HS3ST5: variants seen among roughly 807,000 people sequenced by gnomAD.
HS3ST5 encodes the protein heparan sulfate glucosamine 3-O-sulfotransferase 5.
In HS3ST5, 10 loss-of-function variants were observed where a neutral mutation model predicts 25.4. That is an observed-to-expected ratio of 0.39 (90% CI 0.24 to 0.67). HS3ST5 has a LOEUF of 0.67. HS3ST5 is among the 30% of genes least tolerant of loss of function. The probability of loss-of-function intolerance (pLI) is 0.44; values close to 1 mark genes in which losing one functional copy is unlikely to be tolerated. For synonymous variants in HS3ST5, 170 were observed against 162.4 expected (o/e 1.05, Z -0.36); for missense variants, 324 against 420.7 (o/e 0.77, Z 2.01).
chr6:114,126,481 G>A (rs1777045051), intron 3 of HS3ST5, among the ~76,000 whole-genome samples: 1 of 152,182 alleles, frequency 6.6e-6, no homozygotes, highest in Admixed American at 6.5e-5. Context: ...GGATCCTCCA[G>A]CTATGTGCAG....
intron 1 of HS3ST5, among the ~76,000 whole-genome samples, chr6:114,295,710 C>G (rs757871422): frequency 5.3e-5 from 8 of 152,124 alleles, no homozygotes; most frequent in Non-Finnish European, 1.0e-4. Flanking sequence ...CATGTACAAG[C>G]AATTACTTCC....
intron 3 of HS3ST5, among the ~76,000 whole-genome samples, chr6:114,068,157 A>T (rs1773576910): frequency 1.3e-5 from 2 of 152,162 alleles, no homozygotes; most frequent in Non-Finnish European, 2.9e-5. Context: ...TTTTAATGGA[A>T]ATTCTTATTA....
At chr6:114,264,587 T>G (rs980922819) in intron 1 of HS3ST5, among the ~76,000 whole-genome samples, 8 of 152,222 alleles carry the variant, frequency 5.3e-5, no homozygotes, top group Admixed American at 5.2e-4. Flanking sequence ...TCTCTCAGTT[T>G]CCTAATGTGG....
chr6:114,059,327 C>G (rs1339193282), intron 4 of HS3ST5: 3 of 152,190 alleles, frequency 2.0e-5, no homozygotes, highest in African/African-American at 7.2e-5. Context: ...CCAATTCTTA[C>G]ACTTGAAAGC....
At chr6:114,267,524 G>T (rs751630303) in intron 1 of HS3ST5, among the ~76,000 whole-genome samples, 28 of 152,198 alleles carry the variant, frequency 1.8e-4, no homozygotes, top group Non-Finnish European at 2.8e-4. Context: ...CAGAGAATCA[G>T]ATATGGAGAA....
intron 1 of HS3ST5, among the ~76,000 whole-genome samples, chr6:114,327,449 C>T (rs1776217291): frequency 6.6e-6 from 1 of 152,170 alleles, no homozygotes; most frequent in Non-Finnish European, 1.5e-5. Flanking sequence ...TTTCTCTATT[C>T]ATATTCATCT....
At chr6:114,120,144 C>CAAACA (rs377681149) in intron 3 of HS3ST5, among the ~76,000 whole-genome samples, 37 of 151,994 alleles carry the variant, frequency 2.4e-4, no homozygotes, top group Middle Eastern at 3.4e-3. Flanking sequence ...GATGCTGTCT[C>CAAACA]AAACAAAACA....
intron 3 of HS3ST5, among the ~76,000 whole-genome samples, chr6:114,074,302 AAAG>A: frequency 6.8e-6 from 1 of 146,550 alleles, no homozygotes; most frequent in Non-Finnish European, 1.5e-5. Context: ...ATAATTAAAA[AAAG>A]AGCAAAAAAA....
chr6:114,232,695 G>A (rs1057252076), intron 1 of HS3ST5, among the ~76,000 whole-genome samples: 3 of 152,158 alleles, frequency 2.0e-5, no homozygotes, highest in African/African-American at 7.2e-5. Context: ...AAAGGAATCA[G>A]AGCAGATTTG....
chr6:114,257,623 C>G (rs1772990092), intron 1 of HS3ST5, among the ~76,000 whole-genome samples: 1 of 152,150 alleles, frequency 6.6e-6, no homozygotes, highest in Non-Finnish European at 1.5e-5. Flanking sequence ...GTTGAGGCAA[C>G]CCTGTATTTT....
At chr6:114,303,523 T>C (rs1174976488) in intron 1 of HS3ST5, among the ~76,000 whole-genome samples, 3 of 152,080 alleles carry the variant, frequency 2.0e-5, no homozygotes. Flanking sequence ...AATTTTTTTT[T>C]ACTTCAATAT....
intron 3 of HS3ST5, among the ~76,000 whole-genome samples, chr6:114,063,695 AGGG>A (rs1355647639): frequency 6.6e-6 from 1 of 152,176 alleles, no homozygotes; most frequent in African/African-American, 2.4e-5. Context: ...GAGTAGAAGA[AGGG>A]GGTGAAATCG....
intron 3 of HS3ST5, among the ~76,000 whole-genome samples, chr6:114,075,476 C>A (rs1774070260): frequency 6.6e-6 from 1 of 152,192 alleles, no homozygotes; most frequent in Non-Finnish European, 1.5e-5. Flanking sequence ...ATGTTTAGAC[C>A]AGACATTACT....
At chr6:114,072,469 CA>C (rs1229776452) in intron 3 of HS3ST5, among the ~76,000 whole-genome samples, 2 of 152,034 alleles carry the variant, frequency 1.3e-5, no homozygotes, top group African/African-American at 2.4e-5. Flanking sequence ...TAGAGTAAAG[CA>C]AAGGTAATAA....
intron 1 of HS3ST5, among the ~76,000 whole-genome samples, chr6:114,303,970 T>C (rs1240108000): frequency 6.6e-6 from 1 of 152,120 alleles, no homozygotes; most frequent in Non-Finnish European, 1.5e-5. Context: ...GCTGCAGTAG[T>C]GGTGTGATTC....
chr6:114,062,730 AG>A lies in HS3ST5; in HGVS notation c.107+8del, dbSNP rs148758563. On this transcript the variant is annotated splice_region_variant and intron_variant, in intron 4 of 4. Transcript: ENST00000312719. ...CACAGGGGTATAAGCATGTGTTTTA[AG>A]CACCCACCTATCCAAGCTCCCAACT... The A allele has an allele frequency of 0.037, 58,939 of 1,589,878 alleles. 1,270 individuals carry two copies. The highest frequency in any genetic ancestry group is 0.042 in the Non-Finnish European group (49,022 of 1,158,040).
intron 2 of HS3ST5, among the ~76,000 whole-genome samples, chr6:114,215,262 C>T (rs528931639): frequency 8.5e-5 from 13 of 152,146 alleles, no homozygotes; most frequent in African/African-American, 7.2e-5. Context: ...GCCGAGGTCA[C>T]GCCACTGCAC....
chr6:114,326,837 A>G (rs1484922521), intron 1 of HS3ST5, among the ~76,000 whole-genome samples: 3 of 152,158 alleles, frequency 2.0e-5, no homozygotes, highest in Admixed American at 2.0e-4. Flanking sequence ...TCAGTGAAGA[A>G]TCTTCTATTC....
At chr6:114,270,785 G>A (rs1246640168) in intron 1 of HS3ST5, among the ~76,000 whole-genome samples, 1 of 152,072 alleles carries the variant, frequency 6.6e-6, no homozygotes, top group Non-Finnish European at 1.5e-5. Context: ...CACTGAATAT[G>A]AATTCAGAAA....
Sources: gnomAD v4.1 joint callset for allele counts (sites outside exome capture counted in the v4.1 genomes callset) on GRCh38, gnomAD v4.1.1 for gene constraint, MANE v1.5 for transcripts, NCBI Gene and HGNC (gene_info 2026-07-23, HGNC 2026-07-21) for gene names.